The following THAP3 variants were observed in gnomAD, a reference collection of about 807,000 sequenced individuals.
THAP3 encodes the protein THAP domain-containing protein 3.
In THAP3, 12 loss-of-function variants were observed where a neutral mutation model predicts 17.7. The ratio of observed to expected loss-of-function variants is 0.68; its 90% CI spans 0.43 to 1.10. THAP3 has a LOEUF of 1.10. Among genes scored for constraint, THAP3 ranks in the 50% least tolerant of loss-of-function variants. The pLI is 0.00. For missense variants in THAP3, 289 were observed against 318.0 expected, an observed-to-expected ratio of 0.91 and a Z score of 0.69; for synonymous variants, 133 against 126.9, an observed-to-expected ratio of 1.05 and a Z score of -0.32.
intron 4 of THAP3, 141 bp from the exon 5 acceptor site, chr1:6,632,250 A>T: frequency 1.8e-6 from 2 of 1,087,758 alleles, no homozygotes; most frequent in Non-Finnish European, 2.7e-6. Context: ...GGTGTGTGCT[A>T]GGGAGAAGCT....
At chr1:6,625,314 G>A (rs1024520550) in intron 2 of THAP3, 22 bp downstream of exon 2, 11 of 1,523,950 alleles carry the variant, frequency 7.2e-6, no homozygotes, top group Non-Finnish European at 9.7e-6. Context: ...GGACCCGGGG[G>A]CGCGGGAGGC....
At chr1:6,629,234 C>T (rs1395862076) in intron 3 of THAP3, among the ~76,000 whole-genome samples, 1 of 152,224 alleles carries the variant, frequency 6.6e-6, no homozygotes, top group Non-Finnish European at 1.5e-5. Context: ...CTTGAGATCG[C>T]ATGATAGGCC....
chr1:6,632,763 T>A, intron 5 of THAP3, 33 bp from the exon 6 acceptor site: 2 of 1,610,292 alleles, frequency 1.2e-6, no homozygotes, highest in Non-Finnish European at 1.7e-6. Context: ...CTGCTGGTGA[T>A]GCAGCTCTAG....
intron 4 of THAP3, among the ~76,000 whole-genome samples, chr1:6,632,032 G>A (rs1434905241): frequency 7.6e-6 from 1 of 131,130 alleles, no homozygotes; most frequent in Non-Finnish European, 1.6e-5. Context: ...GGGTGACAGA[G>A]TTAGATTCCG....
chr1:6,625,410 C>G (rs1641439237), intron 2 of THAP3, 118 bp downstream of exon 2: 1 of 948,214 alleles, frequency 1.1e-6, no homozygotes. Context: ...GGCCCGGGGA[C>G]AGGCCGAGGT....
intron 2 of THAP3, among the ~76,000 whole-genome samples, chr1:6,625,756 G>A (rs1340566937): frequency 6.6e-6 from 1 of 152,038 alleles, no homozygotes; most frequent in East Asian, 1.9e-4. Flanking sequence ...GCCCGGCCCG[G>A]CCCGGCCCGG....
chr1:6,633,590 T>C (rs896618020), downstream of THAP3: 14 of 1,003,940 alleles, frequency 1.4e-5, no homozygotes, highest in African/African-American at 8.6e-5. Flanking sequence ...TCATTTTCTC[T>C]AGTGCCGTGA....
Position 6,632,393 on chromosome 1 carries a change from C to A in THAP3, c.336C>A (p.Val112=). 6.2e-7 allele frequency: 1 copy of A among 1,613,628 alleles called. No homozygotes were observed. ...GNASSSQKEK[V]LPEAGAGEDS... is the part of the protein sequence containing the mutation. ...AGACTTCACCCTGCCGTTCCCAGGT[C>A]CTCCCTGAGGCGGGGGCCGGAGAGG... The change falls in exon 5 of 6, where the codon GTC becomes GTA. Residue 112 remains valine (V), a splice_region_variant and synonymous_variant. Transcript: ENST00000054650.
chr1:6,635,481 G>C (rs1641744712), downstream of THAP3: 2 of 591,062 alleles, frequency 3.4e-6, no homozygotes, highest in African/African-American at 1.9e-5. Flanking sequence ...CAGTGGGGCT[G>C]CCTCAGTCCT....
chr1:6,634,784 C>T (rs748264761), downstream of THAP3: 35 of 1,315,588 alleles, frequency 2.7e-5, 1 homozygote, highest in Admixed American at 5.3e-4. Flanking sequence ...TGCAGTGCCA[C>T]CTGCTGGGTA....
chr1:6,634,457 C>G (rs145157732), downstream of THAP3: 911 of 1,299,978 alleles, frequency 7.0e-4, 10 homozygotes, highest in African/African-American at 0.013. Flanking sequence ...GGGAGGGAGG[C>G]CTGACTTCAG....
At chr1:6,634,371 C>A (rs1641712823), downstream of THAP3, 2 of 1,136,284 alleles carry the variant, frequency 1.8e-6, no homozygotes, top group East Asian at 3.7e-5. Context: ...ATGAATGTTA[C>A]AGAATTGGAC....
At chr1:6,628,459 C>T (rs776721736) in intron 2 of THAP3, 40 bp from the exon 3 acceptor site, 2 of 1,558,848 alleles carry the variant, frequency 1.3e-6, no homozygotes, top group South Asian at 1.2e-5. Flanking sequence ...GCGCTGGGTC[C>T]AGCCTTGCTG....
chr1:6,632,725 G>A (rs1384619091), intron 5 of THAP3, 71 bp from the exon 6 acceptor site: 2 of 1,581,126 alleles, frequency 1.3e-6, no homozygotes, highest in Non-Finnish European at 8.7e-7. Flanking sequence ...GTGCGTGTCT[G>A]GTGGCCTGCT....
chr1:6,626,604 G>A (rs566790783), intron 2 of THAP3, among the ~76,000 whole-genome samples: 5 of 152,324 alleles, frequency 3.3e-5, no homozygotes, highest in African/African-American at 1.2e-4. Flanking sequence ...TTGGGAGGCC[G>A]AGCTGGGTGG....
chr1:6,626,355 G>C (rs1263221510), intron 2 of THAP3, among the ~76,000 whole-genome samples: 1 of 151,036 alleles, frequency 6.6e-6, no homozygotes, highest in Non-Finnish European at 1.5e-5. Flanking sequence ...CCCCTACCTG[G>C]ACCCCCTCCC....
At chr1:6,629,161 G>A (rs1301438152) in intron 3 of THAP3, among the ~76,000 whole-genome samples, 1 of 152,204 alleles carries the variant, frequency 6.6e-6, no homozygotes, top group Non-Finnish European at 1.5e-5. Context: ...AGCTTGCCTT[G>A]GTGGAGGTGG....
chr1:6,632,521 GTGGT>G (rs1467223320), intron 5 of THAP3, 26 bp downstream of exon 5: 8 of 1,613,590 alleles, frequency 5.0e-6, no homozygotes, highest in Non-Finnish European at 6.8e-6. Flanking sequence ...AAGGTGGTCT[GTGGT>G]TGGACACAAG....
At chr1:6,634,214 C>A, downstream of THAP3, 1 of 972,810 alleles carries the variant, frequency 1.0e-6, no homozygotes, top group South Asian at 1.6e-5. Context: ...TCTGTACAGT[C>A]GACTGCAAAT....
Sources: allele counts gnomAD v4.1 joint callset (sites outside exome capture counted in the v4.1 genomes callset), GRCh38; gene constraint gnomAD v4.1.1; transcripts MANE v1.5; gene names NCBI Gene and HGNC (gene_info 2026-07-23, HGNC 2026-07-21).